TPRG1: variants seen among roughly 807,000 people sequenced by gnomAD.
TPRG1 encodes tumor protein p63 regulated 1, also known as tumor protein p63-regulated gene 1 protein.
Under a neutral mutation model 29.3 loss-of-function variants are expected in TPRG1, and 29 were observed. That is an observed-to-expected ratio of 0.99 (90% CI 0.74 to 1.35). The LOEUF is 1.35. Ranked by LOEUF, TPRG1 falls within the 40% of genes most tolerant of loss-of-function variation. The pLI, the probability that TPRG1 is intolerant of heterozygous loss-of-function variation, is 0.00. For synonymous variants in TPRG1, 130 were observed against 116.8 expected (o/e 1.11, Z -0.73); for missense variants, 327 against 335.0 (o/e 0.98, Z 0.19).
chr3:189,055,805 T>C (rs911835516), intron 4 of TPRG1, among the ~76,000 whole-genome samples: 1 of 152,076 alleles, frequency 6.6e-6, no homozygotes, highest in Non-Finnish European at 1.5e-5. Flanking sequence ...ACCCATACAG[T>C]TCCTTTCCAG....
intron 4 of TPRG1, among the ~76,000 whole-genome samples, chr3:189,272,740 C>G (rs530679220): frequency 4.3e-5 from 6 of 140,052 alleles, no homozygotes; most frequent in Non-Finnish European, 6.0e-5. Context: ...TCCTTCCTTC[C>G]TTCCTTCCTT....
At chr3:189,085,793 T>A (rs1717896497) in intron 4 of TPRG1, among the ~76,000 whole-genome samples, 1 of 152,184 alleles carries the variant, frequency 6.6e-6, no homozygotes, top group South Asian at 2.1e-4. Flanking sequence ...CGTTATGAAA[T>A]TAATTGAAGA....
At chr3:189,144,818 G>T (rs1010907512) in intron 3 of TPRG1, among the ~76,000 whole-genome samples, 1 of 152,224 alleles carries the variant, frequency 6.6e-6, no homozygotes, top group Non-Finnish European at 1.5e-5. Flanking sequence ...TCAGCAGGAT[G>T]AGGAAGTTTT....
At chr3:189,102,243 G>A (rs538888894) in intron 1 of TPRG1, among the ~76,000 whole-genome samples, 73 of 152,270 alleles carry the variant, frequency 4.8e-4, no homozygotes, top group African/African-American at 1.6e-3. Context: ...TGAAATGAGA[G>A]TAATGATAGT....
intron 3 of TPRG1, among the ~76,000 whole-genome samples, chr3:189,019,376 G>A (rs1713155993): frequency 6.6e-6 from 1 of 152,182 alleles, no homozygotes; most frequent in Admixed American, 6.5e-5. Context: ...GTTTGTCGTA[G>A]ATAGCTCTTA....
intron 1 of TPRG1, among the ~76,000 whole-genome samples, chr3:189,188,908 G>T (rs997979031): frequency 6.6e-6 from 1 of 152,124 alleles, no homozygotes; most frequent in Admixed American, 6.5e-5. Flanking sequence ...CTCTATTTGG[G>T]CATTAATTTT....
intron 4 of TPRG1, among the ~76,000 whole-genome samples, chr3:189,077,400 G>A (rs1717250791): frequency 6.6e-6 from 1 of 151,794 alleles, no homozygotes; most frequent in South Asian, 2.1e-4. Context: ...TAATAGTTAG[G>A]CAACTAATAG....
intron 1 of TPRG1, among the ~76,000 whole-genome samples, chr3:189,184,644 T>C (rs1730670812): frequency 6.6e-6 from 1 of 152,210 alleles, no homozygotes; most frequent in South Asian, 2.1e-4. Context: ...TTAGCAAAGC[T>C]GTAGCTCTCT....
intron 4 of TPRG1, among the ~76,000 whole-genome samples, chr3:189,288,304 A>AT (rs1236949826): frequency 1.3e-5 from 2 of 152,302 alleles, no homozygotes; most frequent in African/African-American, 4.8e-5. Context: ...AAACTTTAGG[A>AT]TTTTTTTCTG....
intron 3 of TPRG1, among the ~76,000 whole-genome samples, chr3:189,006,267 G>C (rs1180055499): frequency 6.6e-6 from 1 of 151,980 alleles, no homozygotes; most frequent in Non-Finnish European, 1.5e-5. Context: ...CTTAACATCT[G>C]GATGATGATC....
chr3:188,999,921 A>G (rs1050330218), intron 1 of TPRG1, among the ~76,000 whole-genome samples: 5 of 152,142 alleles, frequency 3.3e-5, no homozygotes, highest in Non-Finnish European at 5.9e-5. Flanking sequence ...GGTGGCTTAA[A>G]TAATCTAAAA....
upstream of TPRG1, among the ~76,000 whole-genome samples, chr3:189,168,923 C>T (rs1415300701): frequency 1.3e-5 from 2 of 152,144 alleles, no homozygotes; most frequent in African/African-American, 4.8e-5. Flanking sequence ...GGATCCATGC[C>T]ACCTGTACTT....
At chr3:189,072,696 C>G (rs1716882656) in intron 4 of TPRG1, among the ~76,000 whole-genome samples, 1 of 152,106 alleles carries the variant, frequency 6.6e-6, no homozygotes, top group South Asian at 2.1e-4. Context: ...TTTTATAAAA[C>G]TACCTTCCTC....
At chr3:189,132,047 T>G (rs143290861) in intron 2 of TPRG1, among the ~76,000 whole-genome samples, 1 of 152,174 alleles carries the variant, frequency 6.6e-6, no homozygotes, top group Non-Finnish European at 1.5e-5. Context: ...ATCTCCATGG[T>G]TCTCTCTGGC....
At chr3:189,028,497 G>A (rs144381674) in intron 4 of TPRG1, among the ~76,000 whole-genome samples, 340 of 151,836 alleles carry the variant, frequency 2.2e-3, no homozygotes, top group South Asian at 7.9e-3. Context: ...AATTAGGATC[G>A]TGGTTCTGTC....
chr3:189,055,595 G>A (rs1361934835), intron 4 of TPRG1, among the ~76,000 whole-genome samples: 1 of 152,162 alleles, frequency 6.6e-6, no homozygotes, highest in Non-Finnish European at 1.5e-5. Flanking sequence ...AGAGGGCTGG[G>A]TTGTGGATGG....
intron 4 of TPRG1, among the ~76,000 whole-genome samples, chr3:189,063,000 A>G (rs909032713): frequency 6.6e-6 from 1 of 152,080 alleles, no homozygotes; most frequent in Non-Finnish European, 1.5e-5. Context: ...AGACCCAATG[A>G]TATACTGATT....
At chr3:189,139,394 AC>A (rs1724218056) in intron 3 of TPRG1, among the ~76,000 whole-genome samples, 1 of 152,080 alleles carries the variant, frequency 6.6e-6, no homozygotes. Context: ...CTCCTCCATC[AC>A]CCAGCCCTCT....
chr3:189,191,914 G>T (rs916737148), intron 1 of TPRG1, among the ~76,000 whole-genome samples: 5 of 152,184 alleles, frequency 3.3e-5, no homozygotes, highest in Non-Finnish European at 7.3e-5. Context: ...AGAAGCAAAT[G>T]ATTCCTTCTT....
Sources: allele counts gnomAD v4.1 joint callset (sites outside exome capture counted in the v4.1 genomes callset), GRCh38; gene constraint gnomAD v4.1.1; transcripts MANE v1.5; gene names NCBI Gene and HGNC (gene_info 2026-07-23, HGNC 2026-07-21).